The following KIF5C variants were observed in gnomAD, a reference collection of about 807,000 sequenced individuals.
KIF5C encodes kinesin family member 5C, also known as kinesin heavy chain isoform 5C.
Under a neutral mutation model 125.2 loss-of-function variants are expected in KIF5C, and 18 were observed. That is an observed-to-expected ratio of 0.14 (90% CI 0.10 to 0.21). The LOEUF is 0.21. Among genes scored for constraint, KIF5C ranks in the 10% least tolerant of loss-of-function variants. The pLI is 1.00. For synonymous variants in KIF5C, 405 were observed against 434.0 expected, an observed-to-expected ratio of 0.93 and a Z score of 0.83; for missense variants, 780 against 1,183.8, an observed-to-expected ratio of 0.66 and a Z score of 5.01.
chr2:148,947,142 A>C, intron 8 of KIF5C, 119 bp downstream of exon 8: 1 of 1,404,728 alleles, frequency 7.1e-7, no homozygotes, highest in Non-Finnish European at 9.4e-7. Flanking sequence ...AAAGTTTCTG[A>C]GGCTCTGCCA....
At chr2:148,934,193 C>T (rs1483570405) in intron 3 of KIF5C, among the ~76,000 whole-genome samples, 1 of 151,122 alleles carries the variant, frequency 6.6e-6, no homozygotes, top group Non-Finnish European at 1.5e-5. Context: ...AGACACACCA[C>T]ACATCACATA....
chr2:148,938,110 T>C (rs1682330065), intron 4 of KIF5C, among the ~76,000 whole-genome samples: 1 of 152,178 alleles, frequency 6.6e-6, no homozygotes, highest in South Asian at 2.1e-4. Flanking sequence ...AATTTGATAG[T>C]AGGGTATATT....
Position 148,937,301 on chromosome 2 carries a change from C to T in KIF5C, c.309C>T (p.Pro103=). The T allele has an allele frequency of 6.3e-7, 1 of 1,597,760 alleles. No individual in the cohort carries two copies. The highest frequency in any genetic ancestry group is 1.7e-4 in the Middle Eastern group (1 of 6,036). ...CCCACTAGGGGAAGCTGCATGACCCCCAGCTCATGGGGATCATCCCACGAA... is the reference window on the plus strand; with the variant it reads ...CCCACTAGGGGAAGCTGCATGACCCTCAGCTCATGGGGATCATCCCACGAA... ...THTMEGKLHD[P]QLMGIIPRIA... Residue 103 remains proline (P), a synonymous_variant, in exon 4 of 26, where the codon CCC becomes CCT. Coordinates refer to ENST00000435030, the MANE Select transcript of KIF5C (RefSeq NM_004522.3).
At position 148,909,118 on chromosome 2, in the gene KIF5C, G is replaced by A. The variant is rs57422533; in HGVS notation, c.127-13019G>A. 6.5e-3 allele frequency among the ~76,000 whole-genome samples: 988 copies of A among 152,312 alleles called. 16 individuals carry two copies. Among genetic ancestry groups the A allele is most frequent in the Middle Eastern group, 0.065 (19 of 294 alleles). On this transcript the variant is annotated intron_variant, in intron 1 of 25. Transcript: ENST00000435030. ...AGGCCATTCATTTGCTTCAAGGTAC[G>A]TTACACATGTATGTGCTACCGGGCT...
chr2:148,982,801 T>A (rs1681271844), intron 14 of KIF5C, among the ~76,000 whole-genome samples: 1 of 152,240 alleles, frequency 6.6e-6, no homozygotes. Flanking sequence ...AGTTTTTAAT[T>A]TGCCATGAAA....
rs150398733 is a variant in KIF5C, at chr2:148,931,002, A to T, written c.291+1648A>T. 3.3e-3 allele frequency among the ~76,000 whole-genome samples: 509 copies of T among 152,212 alleles called. 2 individuals are homozygous for T. The highest frequency in any genetic ancestry group is 0.011 in the African/African-American group (475 of 41,492). On this transcript the variant is annotated intron_variant, in intron 3 of 25. Coordinates refer to ENST00000435030, the MANE Select transcript of KIF5C (RefSeq NM_004522.3). ...TGCAGTTCTACATTTCCTGTGTCCC[A>T]CCTAGTCCAGTACCTGTAGACAAAA...
intron 4 of KIF5C, among the ~76,000 whole-genome samples, chr2:148,940,422 G>A (rs1682383329): frequency 6.6e-6 from 1 of 152,204 alleles, no homozygotes; most frequent in African/African-American, 2.4e-5. Context: ...CAGGGCTCAA[G>A]CTAGGACCCC....
rs550487609 is a variant in KIF5C at position 149,025,758 on chromosome 2, T to C, written c.*2688T>C. 5.9e-5 allele frequency: 9 copies of C among 152,600 alleles called. 1 individual carries two copies. Among genetic ancestry groups the C allele is most frequent in the African/African-American group, 1.9e-4 (8 of 41,588 alleles). The allele number at this position is 152,600 out of a possible 1,614,324, so 9.5% of individuals were successfully genotyped here. On this transcript the variant is annotated 3_prime_UTR_variant, in exon 26 of 26. Transcript: ENST00000435030. ...AATTAGGAGAATGTTGTTTGAGATATCAAGATTTATGTCTGGGAACTAAAA... is the reference window on the plus strand; with the variant it reads ...AATTAGGAGAATGTTGTTTGAGATACCAAGATTTATGTCTGGGAACTAAAA...
At chr2:148,901,679 G>A (rs1185206907) in intron 1 of KIF5C, among the ~76,000 whole-genome samples, 1 of 152,090 alleles carries the variant, frequency 6.6e-6, no homozygotes, top group East Asian at 1.9e-4. Flanking sequence ...AGTGCTCTGG[G>A]AACCAGCTGG....
chr2:148,976,718 G>A (rs1681083987), intron 12 of KIF5C, among the ~76,000 whole-genome samples: 1 of 151,830 alleles, frequency 6.6e-6, no homozygotes, highest in African/African-American at 2.4e-5. Context: ...GGTACTACAG[G>A]CACATACCAC....
chr2:148,890,165 A>C (rs1208172538), intron 1 of KIF5C, among the ~76,000 whole-genome samples: 1 of 152,190 alleles, frequency 6.6e-6, no homozygotes, highest in Non-Finnish European at 1.5e-5. Context: ...ATAAGCTATA[A>C]ATAATAACTT....
intron 19 of KIF5C, among the ~76,000 whole-genome samples, chr2:148,999,017 C>T (rs1681768926): frequency 6.6e-6 from 1 of 152,166 alleles, no homozygotes; most frequent in Admixed American, 6.5e-5. Context: ...TTCTTAGGGC[C>T]CCACACTGTC....
chr2:149,017,233 G>A (rs369993243), intron 25 of KIF5C, among the ~76,000 whole-genome samples: 1 of 152,284 alleles, frequency 6.6e-6, no homozygotes. Context: ...CGATGGTGAT[G>A]GTATAGCTGA....
chr2:148,966,791 T>C (rs1243125206), intron 11 of KIF5C, among the ~76,000 whole-genome samples: 2 of 152,116 alleles, frequency 1.3e-5, no homozygotes, highest in Non-Finnish European at 2.9e-5. Flanking sequence ...ATGGCATTAG[T>C]GTCCTGTGAG....
chr2:148,897,111 G>T (rs1225082185), intron 1 of KIF5C, among the ~76,000 whole-genome samples: 1 of 152,182 alleles, frequency 6.6e-6, no homozygotes, highest in African/African-American at 2.4e-5. Context: ...AGGATTATAG[G>T]CATGAGCCAC....
In KIF5C at chr2:148,981,024, A is replaced by G. The variant is rs57439481; in HGVS notation, c.1363-331A>G. 1.8e-3 allele frequency among the ~76,000 whole-genome samples: 279 copies of G among 152,246 alleles called. 2 individuals carry two copies. Among genetic ancestry groups the G allele is most frequent in the African/African-American group, 6.3e-3 (263 of 41,556 alleles). ...TGCGCCTGGCCCCATCCTTTGCTTA[A>G]AATATGGAATAGCTATAAAATGCAG... On this transcript the variant is annotated intron_variant, in intron 13 of 25. Transcript: ENST00000435030.
At chr2:148,993,655 C>T (rs1016255349) in intron 16 of KIF5C, among the ~76,000 whole-genome samples, 4 of 152,174 alleles carry the variant, frequency 2.6e-5, no homozygotes, top group African/African-American at 4.8e-5. Flanking sequence ...CCAGGGTCTT[C>T]CTGCCTAAAG....
intron 17 of KIF5C, 85 bp downstream of exon 17, chr2:148,994,623 T>A: frequency 6.8e-7 from 1 of 1,465,538 alleles, no homozygotes; most frequent in Non-Finnish European, 9.1e-7. Context: ...ATGTTTAGTT[T>A]CGTTCAGTTA....
At chr2:148,881,706 T>G (rs1681359874) in intron 1 of KIF5C, among the ~76,000 whole-genome samples, 2 of 152,096 alleles carry the variant, frequency 1.3e-5, no homozygotes, top group African/African-American at 4.8e-5. Context: ...TGATTTCCCT[T>G]TAGTCCTTAC....
Sources: allele counts gnomAD v4.1 joint callset (sites outside exome capture counted in the v4.1 genomes callset), GRCh38; gene constraint gnomAD v4.1.1; transcripts MANE v1.5; gene names NCBI Gene and HGNC (gene_info 2026-07-23, HGNC 2026-07-21).